ADCK1: variants seen among roughly 807,000 people sequenced by gnomAD.
ADCK1 encodes the protein aarF domain-containing protein kinase 1.
Under a neutral mutation model 52.3 loss-of-function variants are expected in ADCK1, and 41 were observed. The observed-to-expected ratio is 0.78, with a 90% CI of 0.61 to 1.02. ADCK1 has a LOEUF of 1.02. Among genes scored for constraint, ADCK1 ranks in the 50% least tolerant of loss-of-function variants. The pLI is 0.00. For synonymous variants in ADCK1, 250 were observed against 274.6 expected (o/e 0.91, Z 0.89); for missense variants, 658 against 679.5 (o/e 0.97, Z 0.35).
At position 77,924,498 on chromosome 14, in the gene ADCK1, C is replaced by T. The variant is rs143243521; in HGVS notation, c.900C>T (p.Phe300=). Residue 300 remains phenylalanine, a synonymous_variant, in exon 8 of 11, where the codon TTC becomes TTT. Transcript: ENST00000238561. ...HLGKMYSEMI[F]VNGFVHCDPH... ...GCAAGATGTATAGTGAGATGATCTT[C>T]GTCAATGGCTTCGTGCACTGCGATC... is the stretch of plus-strand genomic sequence containing the variant. 1.2e-4 allele frequency: 198 copies of T among 1,614,020 alleles called. No individual in the cohort carries two copies. The highest frequency in any genetic ancestry group is 1.6e-4 in the Non-Finnish European group (188 of 1,180,042).
intron 3 of ADCK1, among the ~76,000 whole-genome samples, chr14:77,837,218 C>G (rs1256475679): frequency 6.7e-6 from 1 of 149,428 alleles, no homozygotes; most frequent in Non-Finnish European, 1.5e-5. Flanking sequence ...GGTACAATCT[C>G]TTCTGCCTCC....
chr14:77,824,851 T>C (rs1594883383), intron 3 of ADCK1, among the ~76,000 whole-genome samples: 1 of 152,266 alleles, frequency 6.6e-6, no homozygotes, highest in Non-Finnish European at 1.5e-5. Flanking sequence ...TTCGTCGCTC[T>C]CCCTCTTTTT....
At chr14:77,851,813 T>C (rs2082289929) in intron 3 of ADCK1, among the ~76,000 whole-genome samples, 1 of 152,138 alleles carries the variant, frequency 6.6e-6, no homozygotes, top group African/African-American at 2.4e-5. Flanking sequence ...CCACATTACA[T>C]TGTTAATAAT....
At chr14:77,820,167 G>A (rs2081549267) in intron 2 of ADCK1, among the ~76,000 whole-genome samples, 1 of 152,092 alleles carries the variant, frequency 6.6e-6, no homozygotes, top group South Asian at 2.1e-4. Flanking sequence ...ACATGAATAG[G>A]TTAAAAAACA....
intron 3 of ADCK1, among the ~76,000 whole-genome samples, chr14:77,837,474 C>CT (rs1281595713): frequency 6.6e-6 from 1 of 152,134 alleles, no homozygotes; most frequent in Non-Finnish European, 1.5e-5. Context: ...TGCAAAGACC[C>CT]TTTTTTCTGA....
intron 5 of ADCK1, among the ~76,000 whole-genome samples, chr14:77,887,992 A>G (rs1384350447): frequency 6.6e-6 from 1 of 152,094 alleles, no homozygotes; most frequent in Non-Finnish European, 1.5e-5. Context: ...TGATGCATAT[A>G]TTGAGGGTCT....
At chr14:77,893,913 T>C (rs933735635) in intron 5 of ADCK1, among the ~76,000 whole-genome samples, 1 of 152,104 alleles carries the variant, frequency 6.6e-6, no homozygotes, top group Admixed American at 6.5e-5. Flanking sequence ...TTTGTATTTT[T>C]AGTAGAGACG....
At chr14:77,898,844 C>T (rs751074980) in intron 5 of ADCK1, among the ~76,000 whole-genome samples, 56 of 152,196 alleles carry the variant, frequency 3.7e-4, no homozygotes, top group Non-Finnish European at 7.1e-4. Flanking sequence ...GTGCTGGGCA[C>T]GAGGGGAACC....
At chr14:77,853,135 C>A (rs1378022242) in intron 3 of ADCK1, among the ~76,000 whole-genome samples, 2 of 150,596 alleles carry the variant, frequency 1.3e-5, no homozygotes, top group Admixed American at 1.3e-4. Context: ...CATTTTTCAT[C>A]TCTAAAAGTT....
At chr14:77,927,587 C>T (rs1188785590) in intron 9 of ADCK1, among the ~76,000 whole-genome samples, 1 of 152,148 alleles carries the variant, frequency 6.6e-6, no homozygotes, top group Non-Finnish European at 1.5e-5. Context: ...GGAATAACTG[C>T]AGGTTGTCAG....
rs961538591 is a variant in ADCK1 at position 77,858,629 on chromosome 14, A to T, written c.220-447A>T. Among the ~76,000 whole-genome samples, 5 of 152,174 alleles carry T rather than the reference A, an allele frequency of 3.3e-5. No individual in the cohort carries two copies. In the South Asian group the frequency reaches 1.0e-3, roughly 31 times the overall value. ...CCTGAGGTGCTGTGAAGATTAAAAG[A>T]TACCATACATATGACCATGTTTTAT... On this transcript the variant is annotated intron_variant, in intron 3 of 10. Transcript: ENST00000238561.
At chr14:77,827,043 A>C (rs2081725006) in intron 3 of ADCK1, among the ~76,000 whole-genome samples, 1 of 152,018 alleles carries the variant, frequency 6.6e-6, no homozygotes, top group Admixed American at 6.6e-5. Context: ...CTGTGAATGG[A>C]GCTAGTATTG....
chr14:77,818,445 C>T (rs139455789), intron 1 of ADCK1, among the ~76,000 whole-genome samples: 1 of 151,952 alleles, frequency 6.6e-6, no homozygotes, highest in East Asian at 2.0e-4. Context: ...TGATGCCTGG[C>T]TAATTTTTGT....
Position 77,818,837 on chromosome 14 carries a change from A to G in ADCK1, c.-11-131A>G, listed in dbSNP as rs534044051. On this transcript the variant is annotated intron_variant, in intron 1 of 10. Coordinates refer to ENST00000238561, the MANE Select transcript of ADCK1 (RefSeq NM_020421.4). Reference sequence around the variant, plus strand: ...TATTATCCTGTTTTACAAACGAAGAAACTAAGGCTCAGTGAGATTAATGAT... The same window carrying G: ...TATTATCCTGTTTTACAAACGAAGAGACTAAGGCTCAGTGAGATTAATGAT... 5.0e-4 allele frequency: 539 copies of G among 1,068,726 alleles called. 1 individual carries two copies. Among genetic ancestry groups the G allele is most frequent in the Non-Finnish European group, 6.9e-4 (517 of 747,774 alleles). The allele number at this position is 1,068,726 out of a possible 1,614,324, so 66.2% of individuals were successfully genotyped here.
At chr14:77,892,203 T>G (rs1337063434) in intron 5 of ADCK1, among the ~76,000 whole-genome samples, 1 of 152,182 alleles carries the variant, frequency 6.6e-6, no homozygotes, top group African/African-American at 2.4e-5. Context: ...AGAGAGTGAC[T>G]GATAGGCTTA....
At chr14:77,922,413 T>C (rs2084083083) in intron 7 of ADCK1, among the ~76,000 whole-genome samples, 1 of 152,188 alleles carries the variant, frequency 6.6e-6, no homozygotes, top group African/African-American at 2.4e-5. Flanking sequence ...GTCTTACATC[T>C]CTTCACCTCT....
At chr14:77,834,202 G>C (rs546338475) in intron 3 of ADCK1, among the ~76,000 whole-genome samples, 1 of 151,918 alleles carries the variant, frequency 6.6e-6, no homozygotes, top group East Asian at 1.9e-4. Context: ...TTCCTTTCTT[G>C]GCTTTGTTCT....
chr14:77,853,632 C>T (rs536891391), intron 3 of ADCK1, among the ~76,000 whole-genome samples: 1 of 152,230 alleles, frequency 6.6e-6, no homozygotes, highest in Non-Finnish European at 1.5e-5. Flanking sequence ...GTCCCATGAA[C>T]TATGAGATTT....
chr14:77,878,204 T>G (rs1273519483), intron 4 of ADCK1, among the ~76,000 whole-genome samples: 1 of 152,288 alleles, frequency 6.6e-6, no homozygotes, highest in Admixed American at 6.5e-5. Context: ...GCCCAGTGAT[T>G]AACATCGTGC....
Sources: allele counts gnomAD v4.1 joint callset (sites outside exome capture counted in the v4.1 genomes callset), GRCh38; gene constraint gnomAD v4.1.1; transcripts MANE v1.5; gene names NCBI Gene and HGNC (gene_info 2026-07-23, HGNC 2026-07-21).